The following DENND1A variants were observed in gnomAD, a reference collection of about 807,000 sequenced individuals.
DENND1A encodes DENN domain containing 1A, also known as DENN domain-containing protein 1A.
DENND1A carries 51 observed loss-of-function variants against 113.7 expected under a neutral mutation model. That is an observed-to-expected ratio of 0.45 (90% confidence interval 0.36 to 0.57). The LOEUF is 0.57. Among genes scored for constraint, DENND1A ranks in the 20% least tolerant of loss-of-function variants. DENND1A has a pLI of 0.00. For missense variants in DENND1A, 1,258 were observed against 1,395.9 expected (o/e 0.90, Z 1.57); for synonymous variants, 565 against 570.8 (o/e 0.99, Z 0.14).
intron 5 of DENND1A, among the ~76,000 whole-genome samples, chr9:123,710,837 T>C (rs2066535299): frequency 6.6e-6 from 1 of 151,872 alleles, no homozygotes; most frequent in Non-Finnish European, 1.5e-5. Flanking sequence ...CATGCCAGGC[T>C]AATTTTTGTA....
At chr9:123,866,712 G>A (rs538992460) in intron 2 of DENND1A, among the ~76,000 whole-genome samples, 12 of 152,272 alleles carry the variant, frequency 7.9e-5, no homozygotes, top group African/African-American at 2.6e-4. Flanking sequence ...TTCCTGTGCT[G>A]AGCATTTTAG....
chr9:123,843,644 G>T, intron 2 of DENND1A: 1 of 165,304 alleles, frequency 6.0e-6, no homozygotes. Flanking sequence ...TACCATTCTG[G>T]ATATACTGGA....
intron 5 of DENND1A, among the ~76,000 whole-genome samples, chr9:123,714,899 C>T (rs752905436): frequency 6.6e-6 from 1 of 151,970 alleles, no homozygotes; most frequent in Non-Finnish European, 1.5e-5. Flanking sequence ...GTTTTGTTTA[C>T]GTCCAGGCAC....
intron 21 of DENND1A, among the ~76,000 whole-genome samples, chr9:123,391,105 T>G (rs1223384603): frequency 1.3e-5 from 2 of 152,198 alleles, no homozygotes; most frequent in Non-Finnish European, 2.9e-5. Flanking sequence ...GCTGGGGGCT[T>G]CCACACTGGT....
intron 12 of DENND1A, among the ~76,000 whole-genome samples, chr9:123,577,439 T>C (rs139385902): frequency 7.0e-4 from 107 of 152,352 alleles, no homozygotes; most frequent in African/African-American, 1.2e-3. Context: ...GCTAGTTCTA[T>C]CATATCTGTC....
chr9:123,736,824 A>G (rs1427738718), intron 5 of DENND1A, among the ~76,000 whole-genome samples: 1 of 152,342 alleles, frequency 6.6e-6, no homozygotes, highest in South Asian at 2.1e-4. Flanking sequence ...GATGAGGTAG[A>G]TACAGGTCAG....
chr9:123,631,553 T>C (rs1186513181), intron 9 of DENND1A, among the ~76,000 whole-genome samples: 1 of 152,234 alleles, frequency 6.6e-6, no homozygotes, highest in African/African-American at 2.4e-5. Context: ...TTTTCTTCCA[T>C]GATGGTTTCT....
intron 3 of DENND1A, among the ~76,000 whole-genome samples, chr9:123,787,169 C>CAA (rs5900587): frequency 2.3e-4 from 35 of 151,508 alleles, no homozygotes; most frequent in African/African-American, 8.0e-4. Flanking sequence ...AATAATGATG[C>CAA]AAAAAAAATC....
At chr9:123,771,100 A>T (rs1829655103) in intron 3 of DENND1A, among the ~76,000 whole-genome samples, 1 of 152,202 alleles carries the variant, frequency 6.6e-6, no homozygotes, top group Non-Finnish European at 1.5e-5. Flanking sequence ...AGAGTGGATG[A>T]GAACACCTCA....
intron 7 of DENND1A, among the ~76,000 whole-genome samples, chr9:123,669,776 C>A (rs972610351): frequency 6.6e-6 from 1 of 152,194 alleles, no homozygotes; most frequent in African/African-American, 2.4e-5. Context: ...AGATGGTCTC[C>A]CCTGCCGTAT....
Position 123,662,968 on chromosome 9 carries a change from T to A in DENND1A, c.507+4058A>T, listed in dbSNP as rs150671898. Among the ~76,000 whole-genome samples, 704 of 152,148 alleles carry A rather than the reference T, an allele frequency of 4.6e-3. 3 individuals are homozygous for A. The highest frequency in any genetic ancestry group is 0.01 in the Middle Eastern group (3 of 294). The stretch of plus-strand genomic sequence containing the variant: ...AGTGATATCTGTAACAGAAAAAAAA[T>A]AAGATTTAGCAATATGAATAAGTTA... On this transcript the variant is annotated intron_variant, in intron 8 of 23. Coordinates refer to ENST00000394215, the MANE Select transcript of DENND1A (RefSeq NM_001352964.2).
At chr9:123,621,378 G>T (rs926351306) in intron 10 of DENND1A, among the ~76,000 whole-genome samples, 3 of 151,814 alleles carry the variant, frequency 2.0e-5, no homozygotes, top group Non-Finnish European at 4.4e-5. Flanking sequence ...GTAGAGATGG[G>T]GTTTCACTAT....
At chr9:123,522,624 A>T (rs1438964485) in intron 13 of DENND1A, among the ~76,000 whole-genome samples, 1 of 152,148 alleles carries the variant, frequency 6.6e-6, no homozygotes, top group Non-Finnish European at 1.5e-5. Context: ...CATACTTCAC[A>T]CCAAAGTGGG....
At chr9:123,434,572 A>C (rs1409293789) in intron 19 of DENND1A, among the ~76,000 whole-genome samples, 1 of 152,212 alleles carries the variant, frequency 6.6e-6, no homozygotes, top group Non-Finnish European at 1.5e-5. Context: ...CAGGCCCTGC[A>C]GTGGACTTTC....
intron 4 of DENND1A, 41 bp downstream of exon 4, chr9:123,769,473 T>C (rs542320698): frequency 6.5e-7 from 1 of 1,536,920 alleles, no homozygotes; most frequent in Non-Finnish European, 8.9e-7. Context: ...GCAGGTTTAT[T>C]GATACTTTTT....
intron 19 of DENND1A, among the ~76,000 whole-genome samples, chr9:123,433,337 T>C (rs1479418655): frequency 6.6e-6 from 1 of 152,194 alleles, no homozygotes; most frequent in Non-Finnish European, 1.5e-5. Flanking sequence ...CAGGAACTGA[T>C]CCACATTTGC....
In DENND1A at chr9:123,388,716, G is replaced by A. The variant is rs573681691; in HGVS notation, c.1632-858C>T. Among the ~76,000 whole-genome samples, 8 of 152,286 alleles carry A rather than the reference G, an allele frequency of 5.3e-5. No individual in the cohort carries two copies. The South Asian group carries it at 6.2e-4, about 12-fold the overall frequency. Reference sequence around the variant, plus strand: ...CATACACAGCCTGGAGAAACTCCACGCCCGGCTCCCATGAATTATATACTG... The same window carrying A: ...CATACACAGCCTGGAGAAACTCCACACCCGGCTCCCATGAATTATATACTG... On this transcript the variant is annotated intron_variant, in intron 21 of 23. Transcript: ENST00000394215.
intron 19 of DENND1A, among the ~76,000 whole-genome samples, chr9:123,435,584 C>G (rs2046458267): frequency 6.6e-6 from 1 of 152,334 alleles, no homozygotes; most frequent in Non-Finnish European, 1.5e-5. Flanking sequence ...GATTGGAAGG[C>G]AGGCAACTAC....
chr9:123,782,577 C>G (rs762317532), intron 3 of DENND1A, among the ~76,000 whole-genome samples: 1 of 152,110 alleles, frequency 6.6e-6, no homozygotes, highest in Non-Finnish European at 1.5e-5. Flanking sequence ...TGACTTCCTG[C>G]CTGGGAAAGG....
Sources: gnomAD v4.1 joint callset for allele counts (sites outside exome capture counted in the v4.1 genomes callset) on GRCh38, gnomAD v4.1.1 for gene constraint, MANE v1.5 for transcripts, NCBI Gene and HGNC (gene_info 2026-07-23, HGNC 2026-07-21) for gene names.